The following DLG2 variants were observed in gnomAD, a reference collection of about 807,000 sequenced individuals.
DLG2 encodes the protein disks large homolog 2.
A neutral mutation model predicts 132.5 loss-of-function variants in DLG2; 45 were observed. The ratio of observed to expected loss-of-function variants is 0.34; its 90% CI spans 0.27 to 0.44. The LOEUF (loss-of-function observed/expected upper bound fraction) is 0.44. Among genes scored for constraint, DLG2 ranks in the 20% least tolerant of loss-of-function variants. The pLI, the probability that DLG2 is intolerant of heterozygous loss-of-function variation, is 1.00. For synonymous variants in DLG2, 424 were observed against 419.6 expected, an observed-to-expected ratio of 1.01 and a Z score of -0.13; for missense variants, 1,045 against 1,196.9, an observed-to-expected ratio of 0.87 and a Z score of 1.87.
intron 6 of DLG2, among the ~76,000 whole-genome samples, chr11:84,571,922 T>C (rs2099486133): frequency 6.6e-6 from 1 of 152,144 alleles, no homozygotes; most frequent in Non-Finnish European, 1.5e-5. Flanking sequence ...CAGGCACAAC[T>C]CTGGATACTT....
intron 7 of DLG2, among the ~76,000 whole-genome samples, chr11:84,460,153 T>G (rs1215961195): frequency 2.0e-5 from 3 of 150,674 alleles, no homozygotes; most frequent in Non-Finnish European, 4.5e-5. Flanking sequence ...GATTCTATGT[T>G]TTATGGTAAT....
chr11:83,857,745 G>T (rs754175596), intron 16 of DLG2, among the ~76,000 whole-genome samples: 5 of 151,518 alleles, frequency 3.3e-5, no homozygotes, highest in Non-Finnish European at 7.4e-5. Flanking sequence ...TCTGGTGGAG[G>T]ATGTTAATAA....
chr11:83,740,732 A>G (rs2153717375), intron 18 of DLG2, among the ~76,000 whole-genome samples: 2 of 152,332 alleles, frequency 1.3e-5, no homozygotes, highest in South Asian at 2.1e-4. Context: ...AATGAGTGAA[A>G]AAGTTACTGC....
chr11:85,043,401 A>T (rs920919177), intron 6 of DLG2, among the ~76,000 whole-genome samples: 1 of 151,882 alleles, frequency 6.6e-6, no homozygotes, highest in East Asian at 1.9e-4. Flanking sequence ...GTTTAAATAA[A>T]TAATAAAATA....
intron 3 of DLG2, among the ~76,000 whole-genome samples, chr11:85,377,427 C>T (rs1206507370): frequency 6.6e-6 from 1 of 152,078 alleles, no homozygotes; most frequent in Non-Finnish European, 1.5e-5. Context: ...AGAATGGGAG[C>T]AAGCAGCACA....
At chr11:85,317,860 C>T (rs905980445) in intron 3 of DLG2, among the ~76,000 whole-genome samples, 1 of 151,608 alleles carries the variant, frequency 6.6e-6, no homozygotes, top group African/African-American at 2.4e-5. Flanking sequence ...CCCCATGACA[C>T]AATTTTACCT....
At chr11:84,519,240 CT>C (rs1278063177) in intron 7 of DLG2, among the ~76,000 whole-genome samples, 2 of 152,090 alleles carry the variant, frequency 1.3e-5, no homozygotes, top group African/African-American at 4.8e-5. Flanking sequence ...CATTTTATGA[CT>C]GATATTTCTA....
At chr11:83,641,560 T>A (rs752403255) in intron 18 of DLG2, among the ~76,000 whole-genome samples, 12 of 152,164 alleles carry the variant, frequency 7.9e-5, no homozygotes, top group Non-Finnish European at 1.8e-4. Flanking sequence ...TTTCTCACCC[T>A]GGCTGCTTTT....
intron 6 of DLG2, among the ~76,000 whole-genome samples, chr11:85,110,763 T>C (rs2072597045): frequency 1.3e-5 from 2 of 152,128 alleles, no homozygotes; most frequent in African/African-American, 4.8e-5. Flanking sequence ...GTCGTATCTT[T>C]CAGCACATGG....
chr11:83,770,898 A>T (rs12285846), intron 18 of DLG2, among the ~76,000 whole-genome samples: 11 of 152,130 alleles, frequency 7.2e-5, no homozygotes, highest in African/African-American at 1.9e-4. Context: ...GCTTTCAATA[A>T]GAAAATTAAA....
intron 9 of DLG2, among the ~76,000 whole-genome samples, chr11:84,133,315 T>C (rs2094485527): frequency 6.6e-6 from 1 of 152,064 alleles, no homozygotes; most frequent in African/African-American, 2.4e-5. Context: ...ATTCTTATTA[T>C]TGATGTTTTT....
chr11:85,005,358 A>G (rs745980422), intron 6 of DLG2, among the ~76,000 whole-genome samples: 17 of 152,304 alleles, frequency 1.1e-4, no homozygotes, highest in Admixed American at 5.9e-4. Context: ...CCTATCCATG[A>G]GCATGGAATG....
chr11:84,771,640 G>T (rs2069415248), intron 6 of DLG2, among the ~76,000 whole-genome samples: 3 of 152,006 alleles, frequency 2.0e-5, no homozygotes, highest in African/African-American at 7.3e-5. Flanking sequence ...AAATCCTAAG[G>T]GAGTTTTATA....
chr11:84,844,136 T>C (rs1163407071), intron 6 of DLG2, among the ~76,000 whole-genome samples: 1 of 34,576 alleles, frequency 2.9e-5, no homozygotes, highest in Non-Finnish European at 5.7e-5. Context: ...TGTGTGTGTG[T>C]ATATATATAT....
intron 6 of DLG2, among the ~76,000 whole-genome samples, chr11:84,597,826 G>T (rs2154531685): frequency 6.6e-6 from 1 of 152,274 alleles, no homozygotes; most frequent in African/African-American, 2.4e-5. Context: ...CATCTATGAA[G>T]TATTCTTGCC....
At chr11:84,537,247 C>A (rs1198902588) in intron 6 of DLG2, among the ~76,000 whole-genome samples, 1 of 152,128 alleles carries the variant, frequency 6.6e-6, no homozygotes, top group African/African-American at 2.4e-5. Context: ...GCTGGGACTA[C>A]AGGCGGGCAC....
chr11:84,374,337 T>G (rs1333967565), intron 7 of DLG2, among the ~76,000 whole-genome samples: 2 of 152,238 alleles, frequency 1.3e-5, no homozygotes, highest in Non-Finnish European at 2.9e-5. Context: ...AATGTTCAAC[T>G]GTCTCTCTGC....
intron 21 of DLG2, among the ~76,000 whole-genome samples, chr11:83,485,192 A>T (rs1463249911): frequency 6.6e-6 from 1 of 152,158 alleles, no homozygotes; most frequent in Admixed American, 6.6e-5. Context: ...GGCTGAATTA[A>T]AAATAACACA....
At chr11:85,573,008 G>A (rs557267665) in intron 3 of DLG2, among the ~76,000 whole-genome samples, 2 of 152,274 alleles carry the variant, frequency 1.3e-5, no homozygotes, top group Non-Finnish European at 2.9e-5. Context: ...GTTCACACAA[G>A]ACCTGATCAT....
Sources: allele counts gnomAD v4.1 joint callset (sites outside exome capture counted in the v4.1 genomes callset), GRCh38; gene constraint gnomAD v4.1.1; transcripts MANE v1.5; gene names NCBI Gene and HGNC (gene_info 2026-07-23, HGNC 2026-07-21).